GMDS: variants seen among roughly 807,000 people sequenced by gnomAD.
GMDS encodes the protein GDP-mannose 4,6-dehydratase.
Under a neutral mutation model 49.9 loss-of-function variants are expected in GMDS, and 20 were observed. That is an observed-to-expected ratio of 0.40 (90% CI 0.28 to 0.58). The LOEUF (loss-of-function observed/expected upper bound fraction) is 0.58. Ranked by LOEUF, GMDS falls within the 20% of genes least tolerant of loss-of-function variation. The probability of loss-of-function intolerance (pLI) is 0.42; values close to 1 mark genes in which losing one functional copy is unlikely to be tolerated. For synonymous variants in GMDS, 177 were observed against 178.6 expected (o/e 0.99, Z 0.07); for missense variants, 362 against 481.4 (o/e 0.75, Z 2.32).
intron 1 of GMDS, among the ~76,000 whole-genome samples, chr6:2,243,841 TTC>T (rs1473069895): frequency 3.1e-4 from 38 of 121,652 alleles, no homozygotes; most frequent in African/African-American, 5.2e-4. Flanking sequence ...CAACTTCTCC[TTC>T]TTTTTTTTTT....
chr6:2,205,785 AG>A (rs773884692), intron 1 of GMDS, among the ~76,000 whole-genome samples: 51 of 150,774 alleles, frequency 3.4e-4, no homozygotes, highest in South Asian at 6.3e-4. Flanking sequence ...GTGGGGGGGG[AG>A]GGGGGTGTTG....
chr6:2,073,501 G>A (rs1455704398), intron 4 of GMDS, among the ~76,000 whole-genome samples: 3 of 152,078 alleles, frequency 2.0e-5, no homozygotes, highest in Non-Finnish European at 4.4e-5. Flanking sequence ...TATGTGTTGG[G>A]AACATTTCAA....
At chr6:1,641,283 T>C (rs1373058073) in intron 9 of GMDS, among the ~76,000 whole-genome samples, 3 of 152,200 alleles carry the variant, frequency 2.0e-5, no homozygotes, top group South Asian at 4.1e-4. Flanking sequence ...GGGCTAGTCT[T>C]GTGTTCCTCA....
intron 7 of GMDS, among the ~76,000 whole-genome samples, chr6:1,929,272 T>C (rs1043248593): frequency 6.6e-6 from 1 of 152,172 alleles, no homozygotes; most frequent in Non-Finnish European, 1.5e-5. Flanking sequence ...AGAAATAGGC[T>C]CATGAGCACA....
At chr6:1,783,819 A>G (rs1414388490) in intron 7 of GMDS, among the ~76,000 whole-genome samples, 1 of 152,190 alleles carries the variant, frequency 6.6e-6, no homozygotes, top group African/African-American at 2.4e-5. Context: ...TCAAATACAC[A>G]TACTAAAAGG....
chr6:2,238,190 T>C (rs1404938529), intron 1 of GMDS, among the ~76,000 whole-genome samples: 11 of 147,058 alleles, frequency 7.5e-5, no homozygotes, highest in Middle Eastern at 3.6e-3. Context: ...AGTTCAAGAC[T>C]AGCCTGGTCA....
chr6:2,052,141 A>AAC, intron 4 of GMDS, among the ~76,000 whole-genome samples: 1 of 149,890 alleles, frequency 6.7e-6, no homozygotes, highest in Non-Finnish European at 1.5e-5. Flanking sequence ...GAAAAAAAAA[A>AAC]AACAGAAAAG....
intron 4 of GMDS, among the ~76,000 whole-genome samples, chr6:2,001,598 G>A (rs1420002633): frequency 3.9e-5 from 6 of 152,082 alleles, no homozygotes; most frequent in Non-Finnish European, 7.4e-5. Flanking sequence ...ACCAGAAAAA[G>A]AACAAAGTTG....
chr6:2,060,395 A>G (rs1581589344), intron 4 of GMDS, among the ~76,000 whole-genome samples: 1 of 152,356 alleles, frequency 6.6e-6, no homozygotes, highest in African/African-American at 2.4e-5. Context: ...TGAAAACAGC[A>G]AAACAAAATG....
rs559217648 is a variant in GMDS at position 1,731,346 on chromosome 6, A to C, written c.891-4834T>G. On this transcript the variant is annotated intron_variant, in intron 8 of 10. Coordinates refer to ENST00000380815, the MANE Select transcript of GMDS (RefSeq NM_001500.4). ...TAAAATAAGTCAAGAATACTGATCA[A>C]AGCAGAGAGGCACATGCATTTCCAC... Among the ~76,000 whole-genome samples the C allele has an allele frequency of 4.9e-4, 75 of 152,346 alleles. 1 individual carries two copies. The South Asian group carries it at 0.015, about 30-fold the overall frequency.
intron 7 of GMDS, among the ~76,000 whole-genome samples, chr6:1,901,098 CTG>C (rs1427584633): frequency 6.6e-6 from 1 of 152,220 alleles, no homozygotes; most frequent in Non-Finnish European, 1.5e-5. Flanking sequence ...CCTTGGGTGC[CTG>C]CACCTGCTTT....
rs77577330 is a variant in GMDS, at chr6:2,122,156, A to C, written c.147+2531T>G. Among the ~76,000 whole-genome samples the C allele has an allele frequency of 4.9e-3, 750 of 152,304 alleles. 5 individuals are homozygous for C. Among genetic ancestry groups the C allele is most frequent in the African/African-American group, 0.017 (711 of 41,554 alleles). ...AGGCCTCACGGATTTAAAATGTCTT[A>C]GGGTACCGTGTTCAACTTCATCATA... is the stretch of plus-strand genomic sequence containing the variant. On this transcript the variant is annotated intron_variant, in intron 2 of 10. Transcript: ENST00000380815.
chr6:1,657,544 A>G (rs1439346017), intron 9 of GMDS, among the ~76,000 whole-genome samples: 6 of 152,216 alleles, frequency 3.9e-5, no homozygotes, highest in Non-Finnish European at 7.3e-5. Context: ...AATGCTTTCA[A>G]GCAGGACACT....
At chr6:1,871,021 C>G (rs1417574396) in intron 7 of GMDS, among the ~76,000 whole-genome samples, 1 of 151,618 alleles carries the variant, frequency 6.6e-6, no homozygotes, top group African/African-American at 2.4e-5. Flanking sequence ...CCTCTCCTTT[C>G]CAAACTGCAT....
chr6:1,895,520 G>C (rs9503038), intron 7 of GMDS, among the ~76,000 whole-genome samples: 127,469 of 152,154 alleles, frequency 0.84, 54,296 homozygotes, highest in Non-Finnish European at 0.91. Flanking sequence ...CATGTGCATA[G>C]GCCACACTCA....
chr6:2,164,221 T>C lies in GMDS; in HGVS notation c.103-39490A>G, dbSNP rs12197569. On this transcript the variant is annotated intron_variant, in intron 1 of 10. Coordinates refer to ENST00000380815, the MANE Select transcript of GMDS (RefSeq NM_001500.4). ...TCAGCCCGATACAACTTCACGTTTC[T>C]TCCACCATTATTCCACAGTCTTAAT... 4.6e-3 allele frequency among the ~76,000 whole-genome samples: 708 copies of C among 152,318 alleles called. 2 individuals are homozygous for C. Among genetic ancestry groups the C allele is most frequent in the Non-Finnish European group, 7.7e-3 (525 of 68,022 alleles).
At chr6:1,827,212 C>T (rs1219749393) in intron 7 of GMDS, among the ~76,000 whole-genome samples, 4 of 151,406 alleles carry the variant, frequency 2.6e-5, no homozygotes, top group Non-Finnish European at 5.9e-5. Context: ...TGGATACACA[C>T]TCGCTTCAAG....
At chr6:2,051,139 AG>A (rs1770369635) in intron 4 of GMDS, among the ~76,000 whole-genome samples, 1 of 152,318 alleles carries the variant, frequency 6.6e-6, no homozygotes, top group South Asian at 2.1e-4. Context: ...AGAGTGATGC[AG>A]GGGCCATGAG....
At position 1,790,773 on chromosome 6, in the gene GMDS, T is replaced by C. The variant is rs188926094; in HGVS notation, c.772-48187A>G. 6.6e-5 allele frequency among the ~76,000 whole-genome samples: 10 copies of C among 152,382 alleles called. No homozygotes were observed. In the East Asian group the frequency reaches 1.5e-3, roughly 24 times the overall value. On this transcript the variant is annotated intron_variant, in intron 7 of 10. Transcript: ENST00000380815. ...GCCAGTTCATTGACAACAATCGTGA[T>C]ACTTAGGGATTAAGTGTGAAGAAGT...
Sources: gnomAD v4.1 joint callset for allele counts (sites outside exome capture counted in the v4.1 genomes callset) on GRCh38, gnomAD v4.1.1 for gene constraint, MANE v1.5 for transcripts, NCBI Gene and HGNC (gene_info 2026-07-23, HGNC 2026-07-21) for gene names.